Variants in KIF13B observed in about 807,000 individuals in gnomAD.
KIF13B encodes the protein kinesin-like protein KIF13B.
Under a neutral mutation model 222.0 loss-of-function variants are expected in KIF13B, and 127 were observed. The observed-to-expected ratio is 0.57, with a 90% confidence interval of 0.50 to 0.66. The LOEUF (loss-of-function observed/expected upper bound fraction) is 0.66, where lower values mean the gene tolerates loss of function less well. Ranked by LOEUF, KIF13B falls within the 30% of genes least tolerant of loss-of-function variation. KIF13B has a pLI of 0.00. For synonymous variants in KIF13B, 976 were observed against 919.0 expected (o/e 1.06, Z -1.12); for missense variants, 2,173 against 2,379.0 (o/e 0.91, Z 1.80).
intron 35 of KIF13B, among the ~76,000 whole-genome samples, chr8:29,102,007 G>A (rs1036323762): frequency 3.3e-5 from 5 of 151,620 alleles, no homozygotes; most frequent in South Asian, 4.2e-4. Context: ...CAGGGACAAC[G>A]CAATGACTAT....
intron 2 of KIF13B, among the ~76,000 whole-genome samples, chr8:29,205,017 C>G (rs1441931149): frequency 6.6e-6 from 1 of 152,112 alleles, no homozygotes; most frequent in Non-Finnish European, 1.5e-5. Flanking sequence ...GAACCAGAGG[C>G]CACACACTCA....
chr8:29,155,381 G>A (rs879797125), intron 14 of KIF13B, among the ~76,000 whole-genome samples: 13 of 152,180 alleles, frequency 8.5e-5, no homozygotes, highest in African/African-American at 3.1e-4. Context: ...GGATTGGCAG[G>A]TGCTGAGGAG....
At chr8:29,250,230 G>C in intron 1 of KIF13B, 1 of 350,296 alleles carries the variant, frequency 2.9e-6, no homozygotes, top group Non-Finnish European at 5.6e-6. Flanking sequence ...AATACATCTA[G>C]AACGCAGGCC....
At chr8:29,214,684 TATG>T (rs968443356) in intron 2 of KIF13B, among the ~76,000 whole-genome samples, 4 of 152,254 alleles carry the variant, frequency 2.6e-5, no homozygotes, top group Non-Finnish European at 5.9e-5. Flanking sequence ...CATAGTCATT[TATG>T]ATGATTATCA....
intron 2 of KIF13B, among the ~76,000 whole-genome samples, chr8:29,229,262 G>C (rs1815180389): frequency 6.6e-6 from 1 of 152,136 alleles, no homozygotes; most frequent in Admixed American, 6.5e-5. Flanking sequence ...AAACTCTTCT[G>C]TAAAATCTTA....
chr8:29,237,251 A>C (rs1815553105), intron 2 of KIF13B, among the ~76,000 whole-genome samples: 1 of 152,108 alleles, frequency 6.6e-6, no homozygotes, highest in Non-Finnish European at 1.5e-5. Flanking sequence ...AGCGCTAAAA[A>C]AGTACTGTCA....
chr8:29,071,931 T>C lies in KIF13B; in HGVS notation c.4907A>G (p.Asp1636Gly), dbSNP rs574810703. 5.1e-4 allele frequency: 725 copies of C among 1,417,946 alleles called. 14 individuals are homozygous for C. The South Asian group carries it at 9.8e-3, about 19-fold the overall frequency. The allele number at this position is 1,417,946 out of a possible 1,614,324, so 87.8% of individuals were successfully genotyped here. A position where few individuals can be genotyped will look rare whatever the true frequency, so the allele number is the denominator to read the frequency against. Residue 1636 changes from aspartate (D) to glycine (G), a missense_variant, in exon 39 of 40, where the codon GAC becomes GGC. Around this residue, in one of 2 missense-constraint regions of KIF13B, gnomAD observed 693 missense variants for 656.2 expected, o/e 1.06. Transcript: ENST00000524189. This position sits in a 1 kb window ranked among gnomAD's most constrained non-coding sequence, Gnocchi z 4.9. ...QLVSPGRERP[D>G]LEAPAPGSPF... ...GGAGCCGGGCGCCGGGGCCTCGAGGTCGGGGCGCTCCCGACCGGGGCTCAC... is the reference window on the plus strand; with the variant it reads ...GGAGCCGGGCGCCGGGGCCTCGAGGCCGGGGCGCTCCCGACCGGGGCTCAC...
intron 37 of KIF13B, among the ~76,000 whole-genome samples, chr8:29,091,346 G>A (rs537862413): frequency 1.4e-4 from 22 of 152,308 alleles, no homozygotes; most frequent in African/African-American, 5.3e-4. Context: ...AGCTTTAAAG[G>A]AGAATAGTAA....
At chr8:29,200,591 A>G (rs964692176) in intron 2 of KIF13B, among the ~76,000 whole-genome samples, 1 of 152,242 alleles carries the variant, frequency 6.6e-6, no homozygotes, top group Non-Finnish European at 1.5e-5. Flanking sequence ...CACCACAGCT[A>G]CAATGACCAA....
chr8:29,152,216 T>C (rs757184924), intron 14 of KIF13B, among the ~76,000 whole-genome samples: 14 of 152,210 alleles, frequency 9.2e-5, no homozygotes, highest in Non-Finnish European at 1.9e-4. Flanking sequence ...GCAAAGAAAG[T>C]GGTTTCTTGA....
At chr8:29,089,885 CAAAA>C (rs11307766) in intron 37 of KIF13B, among the ~76,000 whole-genome samples, 7 of 118,146 alleles carry the variant, frequency 5.9e-5, no homozygotes, top group Admixed American at 8.4e-5. Flanking sequence ...GACTCTGTCT[CAAAA>C]AAAAAAAAAA....
intron 2 of KIF13B, among the ~76,000 whole-genome samples, chr8:29,218,028 A>G (rs918927169): frequency 6.6e-6 from 1 of 152,202 alleles, no homozygotes; most frequent in Non-Finnish European, 1.5e-5. Context: ...TGTTTCCTAC[A>G]TGTGAAATAC....
intron 2 of KIF13B, among the ~76,000 whole-genome samples, chr8:29,243,422 C>T (rs533482178): frequency 1.9e-4 from 27 of 145,828 alleles, no homozygotes; most frequent in Admixed American, 1.6e-3. Context: ...TTTGGGAGGC[C>T]GACGCAGGCA....
intron 21 of KIF13B, among the ~76,000 whole-genome samples, chr8:29,138,822 G>A (rs4732907): frequency 0.17 from 26,301 of 152,168 alleles, 2,462 homozygotes; most frequent in Admixed American, 0.28. Flanking sequence ...GAGAGAGCAC[G>A]AGCATACCAG....
In KIF13B at chr8:29,155,826, G is replaced by T; in HGVS notation, c.1435C>A (p.Gln479Lys). Residue 479 changes from glutamine to lysine, a missense_variant, in exon 14 of 40, where the codon CAA becomes AAA. Transcript: ENST00000524189. ...CCCATGCCGCACAGTTGGATATCTT[G>T]GGAATTTGCTGACCCTATCAATGTA... ...EHTLIGSANS[Q>K]DIQLCGMGIL... 1 of 1,584,866 alleles carries T rather than the reference G, an allele frequency of 6.3e-7. No homozygotes were observed. Among genetic ancestry groups the T allele is most frequent in the East Asian group, 2.3e-5 (1 of 44,122 alleles).
At chr8:29,126,774 C>A (rs553509360) in intron 25 of KIF13B, among the ~76,000 whole-genome samples, 4 of 152,092 alleles carry the variant, frequency 2.6e-5, no homozygotes, top group Admixed American at 6.6e-5. Flanking sequence ...TAGTCCCACT[C>A]GCCAGGGGAA....
chr8:29,159,553 G>A (rs530585496), intron 13 of KIF13B, among the ~76,000 whole-genome samples: 1 of 152,292 alleles, frequency 6.6e-6, no homozygotes, highest in African/African-American at 2.4e-5. Flanking sequence ...TTTGTATAGT[G>A]CTTCTGTTTA....
chr8:29,225,497 G>GA (rs776758093), intron 2 of KIF13B, among the ~76,000 whole-genome samples: 6 of 152,138 alleles, frequency 3.9e-5, no homozygotes, highest in Non-Finnish European at 7.4e-5. Flanking sequence ...TGATGCTGGC[G>GA]AAGATACAGT....
At chr8:29,123,317 TG>T (rs754493603) in intron 28 of KIF13B, 48 bp downstream of exon 28, 1 of 1,594,496 alleles carries the variant, frequency 6.3e-7, no homozygotes, top group Non-Finnish European at 8.6e-7. Context: ...TAAAAGCAAG[TG>T]GCTTGGTGAG....
Sources: allele counts gnomAD v4.1 joint callset (sites outside exome capture counted in the v4.1 genomes callset), GRCh38; gene constraint gnomAD v4.1.1; regional missense constraint gnomAD v4.1.1; non-coding constraint Gnocchi (gnomAD v3.1); transcripts MANE v1.5; gene names NCBI Gene and HGNC (gene_info 2026-07-23, HGNC 2026-07-21).